The following IL1B variants were observed in gnomAD, a reference collection of about 807,000 sequenced individuals.
IL1B encodes interleukin 1 beta, also known as interleukin-1 beta.
A neutral mutation model predicts 26.2 loss-of-function variants in IL1B; 11 were observed. The observed-to-expected ratio is 0.42, with a 90% confidence interval of 0.26 to 0.70. The LOEUF is 0.70. Ranked by LOEUF, IL1B falls within the 30% of genes least tolerant of loss-of-function variation. The pLI, the probability that IL1B is intolerant of heterozygous loss-of-function variation, is 0.25. For missense variants in IL1B, 255 were observed against 327.5 expected (o/e 0.78, Z 1.71); for synonymous variants, 118 against 120.8 (o/e 0.98, Z 0.15).
At position 112,830,430 on chromosome 2, in the gene IL1B, G is replaced by A. The variant is rs1344477980; in HGVS notation, c.741C>T (p.Pro247=). 20 of 1,613,928 alleles carry A rather than the reference G, an allele frequency of 1.2e-5. No individual in the cohort carries two copies. Among genetic ancestry groups the A allele is most frequent in the African/African-American group, 1.1e-4 (8 of 74,876 alleles). The part of the protein sequence containing the change: ...YISTSQAENM[P]VFLGGTKGGQ... ...CGCCTTTGGTCCCTCCCAGGAAGAC[G>A]GGCATGTTTTCTGCTTGAGAGGTGC... Residue 247 remains proline (P), a synonymous_variant, in exon 7 of 7, where the codon CCC becomes CCT. Transcript: ENST00000263341.
Position 112,836,259 on chromosome 2 carries a change from G to C in IL1B, c.-15-15C>G, listed in dbSNP as rs1223935241. On this transcript the variant is annotated splice_polypyrimidine_tract_variant and intron_variant, in intron 1 of 6. Coordinates refer to ENST00000263341, the MANE Select transcript of IL1B (RefSeq NM_000576.3). ...GCTTCAGACACCTGTGTAAAAAGGA[G>C]AAAATGAGTGACTTCCCCATGACGG... The C allele has an allele frequency of 6.9e-6, 11 of 1,600,056 alleles. No individual in the cohort carries two copies. Among genetic ancestry groups the C allele is most frequent in the Non-Finnish European group, 8.6e-6 (10 of 1,167,304 alleles).
In IL1B at chr2:112,835,557, T is replaced by C; in HGVS notation, c.99+9A>G. ...TTCCTTGGGTTGGGAGTTAAACCCA[T>C]AGTCTTACCTTCATCTGTTTAGGGC... On this transcript the variant is annotated intron_variant, in intron 3 of 6. Coordinates refer to ENST00000263341, the MANE Select transcript of IL1B (RefSeq NM_000576.3). 1.2e-6 allele frequency: 2 copies of C among 1,611,538 alleles called. No homozygotes were observed. Among genetic ancestry groups the C allele is most frequent in the South Asian group, 2.2e-5 (2 of 91,020 alleles).
chr2:112,835,922 C>T (rs1386366555), intron 2 of IL1B, among the ~76,000 whole-genome samples: 7 of 152,192 alleles, frequency 4.6e-5, no homozygotes, highest in Non-Finnish European at 7.4e-5. Flanking sequence ...AAAGGGATTC[C>T]TTGTATTGTG....
intron 3 of IL1B, 128 bp downstream of exon 3, chr2:112,835,438 C>T: frequency 1.3e-6 from 1 of 759,786 alleles, no homozygotes; most frequent in Non-Finnish European, 2.4e-6. Flanking sequence ...GCCTGTGTCT[C>T]ACTGGAAGAG....
intron 3 of IL1B, 100 bp from the exon 4 acceptor site, chr2:112,833,675 G>T: frequency 2.7e-6 from 3 of 1,125,492 alleles, no homozygotes; most frequent in Non-Finnish European, 2.6e-6. Context: ...GAAAGGGCTT[G>T]AAAGAATCCC....
In IL1B at chr2:112,830,451, G is replaced by A. The variant is rs1438590133; in HGVS notation, c.720C>T (p.Thr240=). ...SAQFPNWYIS[T]SQAENMPVFL... ...AGACGGGCATGTTTTCTGCTTGAGA[G>A]GTGCTGATGTACCAGTTGGGGAACT... The change falls in exon 7 of 7, where the codon ACC becomes ACT. Residue 240 remains threonine, a synonymous_variant. Coordinates refer to ENST00000263341, the MANE Select transcript of IL1B (RefSeq NM_000576.3). 1.2e-6 allele frequency: 2 copies of A among 1,614,006 alleles called. No homozygotes were observed. The highest frequency in any genetic ancestry group is 2.2e-5 in the East Asian group (1 of 44,874).
intron 1 of IL1B, 91 bp downstream of exon 1, chr2:112,836,617 G>A: frequency 1.4e-5 from 4 of 279,954 alleles, no homozygotes; most frequent in Non-Finnish European, 2.9e-5. Context: ...GAAAGAAAGA[G>A]AGAGAGAGAG....
intron 5 of IL1B, among the ~76,000 whole-genome samples, chr2:112,831,895 T>A (rs910238501): frequency 1.3e-5 from 2 of 152,174 alleles, no homozygotes; most frequent in African/African-American, 4.8e-5. Context: ...GCTGGGAAAG[T>A]GGCTCCAAAG....
rs376739961 is a variant in IL1B at position 112,833,370 on chromosome 2, C to G, written c.301+4G>C. 89 of 1,613,804 alleles carry G rather than the reference C, an allele frequency of 5.5e-5. No individual in the cohort carries two copies. In the African/African-American group the frequency reaches 9.7e-4, roughly 18 times the overall value. ...AGATCTACTGCCTGCTCTTGGCTAA[C>G]TACCTTCTTCAAAGATGAAGGGAAA... On this transcript the variant is annotated splice_donor_region_variant and intron_variant, in intron 4 of 6. Transcript: ENST00000263341.
intron 3 of IL1B, chr2:112,835,335 C>G: frequency 3.4e-6 from 2 of 595,772 alleles, no homozygotes; most frequent in Non-Finnish European, 6.1e-6. Flanking sequence ...CACTACTCCT[C>G]CCCTGTCACC....
At chr2:112,835,701 C>A in intron 2 of IL1B, 84 bp from the exon 3 acceptor site, 1 of 1,192,368 alleles carries the variant, frequency 8.4e-7, no homozygotes, top group South Asian at 1.2e-5. Flanking sequence ...CTTGACTGTT[C>A]ATAAGAAACT....
intron 2 of IL1B, 117 bp downstream of exon 2, chr2:112,836,066 C>G (rs1682083183): frequency 1.1e-6 from 1 of 887,048 alleles, no homozygotes; most frequent in Admixed American, 1.8e-5. Context: ...ACTTGGCACC[C>G]TGTTTGCCAC....
intron 3 of IL1B, 130 bp downstream of exon 3, chr2:112,835,436 C>T (rs1426246214): frequency 1.3e-6 from 1 of 752,398 alleles, no homozygotes; most frequent in East Asian, 2.7e-5. Context: ...CAGCCTGTGT[C>T]TCACTGGAAG....
chr2:112,834,432 A>G (rs1471616417), intron 3 of IL1B, among the ~76,000 whole-genome samples: 3 of 152,184 alleles, frequency 2.0e-5, no homozygotes, highest in Non-Finnish European at 4.4e-5. Flanking sequence ...AAATGTTACC[A>G]CTTTCCTCTT....
At chr2:112,832,972 G>T in intron 4 of IL1B, 146 bp from the exon 5 acceptor site, 1 of 771,254 alleles carries the variant, frequency 1.3e-6, no homozygotes, top group Non-Finnish European at 2.2e-6. Flanking sequence ...GAAGCTGGGA[G>T]TGGGGTGGCT....
chr2:112,832,838 A>G lies in IL1B; in HGVS notation c.302-12T>C, dbSNP rs1356402327. On this transcript the variant is annotated splice_polypyrimidine_tract_variant and intron_variant, in intron 4 of 6. Coordinates refer to ENST00000263341, the MANE Select transcript of IL1B (RefSeq NM_000576.3). ...GAAGAAGATAGGTTCTGAAATGTGG[A>G]GCACATGTTGTTTAGGTATAAAATC... is the stretch of plus-strand genomic sequence containing the variant. 1.2e-6 allele frequency: 2 copies of G among 1,614,164 alleles called. No individual in the cohort carries two copies. Among genetic ancestry groups the G allele is most frequent in the Non-Finnish European group, 1.7e-6 (2 of 1,179,990 alleles).
intron 4 of IL1B, 103 bp from the exon 5 acceptor site, chr2:112,832,929 C>T (rs944524818): frequency 7.0e-5 from 77 of 1,106,510 alleles, no homozygotes; most frequent in Admixed American, 2.5e-4. Context: ...TGAGCATATA[C>T]GGTCAAAGTC....
intron 6 of IL1B, among the ~76,000 whole-genome samples, 181 bp from the exon 7 acceptor site, chr2:112,830,754 T>C (rs1224104118): frequency 6.6e-6 from 1 of 152,136 alleles, no homozygotes; most frequent in Non-Finnish European, 1.5e-5. Flanking sequence ...CCCTTCTTCT[T>C]TTCTAAAACT....
In IL1B at chr2:112,832,821, T is replaced by G; in HGVS notation, c.307A>C (p.Ile103Leu). Reference protein sequence around the residue: ...FFPFIFEEEPIFFDTWDNEAY... With the variant: ...FFPFIFEEEPLFFDTWDNEAY... ...TCGTTATCCCATGTGTCGAAGAAGA[T>G]AGGTTCTGAAATGTGGAGCACATGT... Residue 103 changes from isoleucine to leucine, a missense_variant, in exon 5 of 7, where the codon ATC (isoleucine) becomes CTC (leucine). Physicochemically the swap from Ile to Leu is conservative, Grantham distance 5. Coordinates refer to ENST00000263341, the MANE Select transcript of IL1B (RefSeq NM_000576.3). 6.2e-7 allele frequency: 1 copy of G among 1,614,140 alleles called. No homozygotes were observed. Among genetic ancestry groups the G allele is most frequent in the Non-Finnish European group, 8.5e-7 (1 of 1,180,004 alleles).
Sources: allele counts gnomAD v4.1 joint callset (sites outside exome capture counted in the v4.1 genomes callset), GRCh38; gene constraint gnomAD v4.1.1; transcripts MANE v1.5; gene names NCBI Gene and HGNC (gene_info 2026-07-23, HGNC 2026-07-21).